SPIDR: variants seen among roughly 807,000 people sequenced by gnomAD.
SPIDR encodes scaffold protein involved in DNA repair, also known as DNA repair-scaffolding protein.
Under a neutral mutation model 104.6 loss-of-function variants are expected in SPIDR, and 93 were observed. That is an observed-to-expected ratio of 0.89 (90% confidence interval 0.75 to 1.06). SPIDR has a LOEUF of 1.06. Among genes scored for constraint, SPIDR ranks in the 50% least tolerant of loss-of-function variants. The pLI is 0.00. For missense variants in SPIDR, 1,154 were observed against 1,111.2 expected (o/e 1.04, Z -0.55); for synonymous variants, 431 against 416.9 (o/e 1.03, Z -0.41).
At chr8:47,501,314 T>A (rs1262061724) in intron 8 of SPIDR, among the ~76,000 whole-genome samples, 1 of 152,176 alleles carries the variant, frequency 6.6e-6, no homozygotes, top group African/African-American at 2.4e-5. Context: ...CCTCTTTTAT[T>A]TCATTGAGCA....
intron 8 of SPIDR, among the ~76,000 whole-genome samples, chr8:47,533,124 G>A (rs576438215): frequency 2.0e-5 from 3 of 152,192 alleles, no homozygotes; most frequent in African/African-American, 4.8e-5. Flanking sequence ...AGCATTGAAT[G>A]TACACAATAG....
chr8:47,409,714 TATCTC>T (rs2063241719), intron 7 of SPIDR, among the ~76,000 whole-genome samples: 1 of 152,234 alleles, frequency 6.6e-6, no homozygotes, highest in African/African-American at 2.4e-5. Context: ...TTTCAATTCT[TATCTC>T]ATTTATTCCT....
chr8:47,637,645 C>T (rs566871483), intron 10 of SPIDR, among the ~76,000 whole-genome samples: 5 of 152,288 alleles, frequency 3.3e-5, no homozygotes, highest in African/African-American at 7.2e-5. Context: ...ATGTGAGTTA[C>T]GTGTTCTTAG....
intron 10 of SPIDR, among the ~76,000 whole-genome samples, chr8:47,612,921 C>T (rs1488059487): frequency 1.3e-5 from 2 of 152,210 alleles, no homozygotes; most frequent in Non-Finnish European, 2.9e-5. Context: ...GGATGCTATG[C>T]GGCAGGCTCC....
chr8:47,350,806 T>C (rs1249012497), intron 5 of SPIDR, among the ~76,000 whole-genome samples: 2 of 152,240 alleles, frequency 1.3e-5, no homozygotes, highest in Non-Finnish European at 2.9e-5. Context: ...TGATACACAG[T>C]AATCCCCCCT....
chr8:47,456,001 G>A (rs781822874), intron 8 of SPIDR, among the ~76,000 whole-genome samples: 2 of 152,048 alleles, frequency 1.3e-5, no homozygotes, highest in Non-Finnish European at 2.9e-5. Flanking sequence ...AAACCAATTA[G>A]ACCTAACATG....
At chr8:47,667,931 T>TA (rs1391143882) in intron 10 of SPIDR, 7 of 152,156 alleles carry the variant, frequency 4.6e-5, no homozygotes, top group African/African-American at 1.7e-4. Context: ...TGTAGCATCT[T>TA]CATGCTATTA....
At chr8:47,503,732 A>G (rs1266732111) in intron 8 of SPIDR, among the ~76,000 whole-genome samples, 3 of 152,164 alleles carry the variant, frequency 2.0e-5, no homozygotes, top group Non-Finnish European at 4.4e-5. Flanking sequence ...CCTACCATCT[A>G]TAGTCTTTAC....
intron 1 of SPIDR, among the ~76,000 whole-genome samples, chr8:47,270,927 A>G (rs2154214325): frequency 6.6e-6 from 1 of 152,246 alleles, no homozygotes; most frequent in East Asian, 1.9e-4. Context: ...CAGTATTACT[A>G]TGATTTCACT....
chr8:47,669,006 A>T (rs1295822728), intron 10 of SPIDR, among the ~76,000 whole-genome samples: 1 of 152,158 alleles, frequency 6.6e-6, no homozygotes, highest in Admixed American at 6.5e-5. Flanking sequence ...TCACTATATC[A>T]TGTGAATGAC....
At chr8:47,596,344 A>T (rs1304040062) in intron 9 of SPIDR, among the ~76,000 whole-genome samples, 1 of 152,198 alleles carries the variant, frequency 6.6e-6, no homozygotes, top group Admixed American at 6.5e-5. Context: ...CATAGCGTGC[A>T]CTTACACAAA....
chr8:47,572,537 C>T (rs1252475665), intron 8 of SPIDR, among the ~76,000 whole-genome samples: 5 of 152,028 alleles, frequency 3.3e-5, no homozygotes, highest in Admixed American at 2.6e-4. Context: ...TGGCGGACAC[C>T]TGTAGTCCCA....
At chr8:47,515,293 T>A (rs1446115177) in intron 8 of SPIDR, among the ~76,000 whole-genome samples, 1 of 152,248 alleles carries the variant, frequency 6.6e-6, no homozygotes, top group African/African-American at 2.4e-5. Flanking sequence ...AGAATTAAGC[T>A]CATAGTTCAA....
intron 5 of SPIDR, among the ~76,000 whole-genome samples, chr8:47,353,508 C>G (rs942547386): frequency 6.6e-5 from 10 of 152,104 alleles, no homozygotes; most frequent in Admixed American, 1.3e-4. Context: ...AGTTGTAACA[C>G]AGGAGGAGGC....
At chr8:47,425,831 T>A (rs1445024961) in intron 7 of SPIDR, among the ~76,000 whole-genome samples, 9 of 152,186 alleles carry the variant, frequency 5.9e-5, no homozygotes, top group African/African-American at 2.2e-4. Flanking sequence ...CTTTGTCATG[T>A]TAATATTTGC....
At chr8:47,627,253 G>A (rs907161592) in intron 10 of SPIDR, among the ~76,000 whole-genome samples, 4 of 152,078 alleles carry the variant, frequency 2.6e-5, no homozygotes, top group South Asian at 2.1e-4. Context: ...TGGCGGGAGC[G>A]GGGAGGGATA....
At chr8:47,440,240 CT>C (rs1563978584) in intron 7 of SPIDR, 82 bp from the exon 8 acceptor site, 14 of 1,274,264 alleles carry the variant, frequency 1.1e-5, no homozygotes, top group Non-Finnish European at 1.5e-5. Context: ...GCATGTGGAT[CT>C]TTTTTTCATG....
At chr8:47,579,804 G>A (rs2059526646) in intron 8 of SPIDR, among the ~76,000 whole-genome samples, 1 of 152,060 alleles carries the variant, frequency 6.6e-6, no homozygotes, top group African/African-American at 2.4e-5. Context: ...GTCAGTTTGT[G>A]TCCCTTCCCT....
intron 9 of SPIDR, among the ~76,000 whole-genome samples, chr8:47,598,085 T>TG (rs2061829280): frequency 6.6e-6 from 1 of 152,276 alleles, no homozygotes; most frequent in African/African-American, 2.4e-5. Context: ...AATTTAATTA[T>TG]AACATCAAAA....
Sources: allele counts gnomAD v4.1 joint callset (sites outside exome capture counted in the v4.1 genomes callset), GRCh38; gene constraint gnomAD v4.1.1; transcripts MANE v1.5; gene names NCBI Gene and HGNC (gene_info 2026-07-23, HGNC 2026-07-21).